The following AVL9 variants were observed in gnomAD, a reference collection of about 807,000 sequenced individuals.
The protein encoded by AVL9 is AVL9 cell migration associated, also known as late secretory pathway protein AVL9 homolog.
AVL9 carries 49 observed loss-of-function variants against 79.2 expected under a neutral mutation model. The ratio of observed to expected loss-of-function variants is 0.62; its 90% CI spans 0.49 to 0.79. The LOEUF is 0.79. Among genes scored for constraint, AVL9 ranks in the 30% least tolerant of loss-of-function variants. AVL9 has a pLI of 0.00. For missense variants in AVL9, 682 were observed against 776.8 expected (o/e 0.88, Z 1.45); for synonymous variants, 299 against 280.6 (o/e 1.07, Z -0.65).
At chr7:32,505,816 T>G (rs1020718035) in intron 1 of AVL9, among the ~76,000 whole-genome samples, 1 of 152,182 alleles carries the variant, frequency 6.6e-6, no homozygotes, top group East Asian at 1.9e-4. Flanking sequence ...AAGCAAACAT[T>G]GTGTCTTAGA....
intron 1 of AVL9, among the ~76,000 whole-genome samples, chr7:32,501,824 A>C (rs1392311755): frequency 6.6e-6 from 1 of 152,178 alleles, no homozygotes; most frequent in African/African-American, 2.4e-5. Flanking sequence ...TGCTGAATGT[A>C]GATTTTTGCT....
intron 1 of AVL9, among the ~76,000 whole-genome samples, chr7:32,541,133 C>G (rs1183888646): frequency 7.2e-5 from 11 of 151,852 alleles, no homozygotes; most frequent in Admixed American, 5.9e-4. Flanking sequence ...GATCTCCTGA[C>G]CTCGTGATCC....
At chr7:32,544,937 A>G (rs1328015678) in intron 3 of AVL9, among the ~76,000 whole-genome samples, 158 bp downstream of exon 3, 1 of 152,232 alleles carries the variant, frequency 6.6e-6, no homozygotes, top group Non-Finnish European at 1.5e-5. Flanking sequence ...TATTCACAGA[A>G]ACATTTTATT....
intron 1 of AVL9, among the ~76,000 whole-genome samples, chr7:32,501,800 T>A (rs1308501419): frequency 2.6e-5 from 4 of 152,170 alleles, no homozygotes; most frequent in African/African-American, 9.7e-5. Context: ...GTCATTGATA[T>A]GATTCAGATC....
intron 13 of AVL9, among the ~76,000 whole-genome samples, chr7:32,579,589 T>A (rs1351751329): frequency 2.1e-4 from 1 of 4,840 alleles, no homozygotes; most frequent in African/African-American, 9.3e-4. Context: ...TATTATATAT[T>A]ATATATTATA....
intron 1 of AVL9, among the ~76,000 whole-genome samples, chr7:32,520,486 G>A (rs1481415900): frequency 6.6e-6 from 1 of 152,180 alleles, no homozygotes; most frequent in East Asian, 1.9e-4. Flanking sequence ...AACCAGCCTA[G>A]TAGACTAGAT....
chr7:32,497,122 G>A (rs112457801), intron 1 of AVL9, among the ~76,000 whole-genome samples: 2 of 151,958 alleles, frequency 1.3e-5, no homozygotes, highest in Non-Finnish European at 1.5e-5. Flanking sequence ...TTGGGAGGCC[G>A]AGGCGGGTGG....
At chr7:32,529,131 T>C (rs999889301) in intron 1 of AVL9, among the ~76,000 whole-genome samples, 2 of 152,230 alleles carry the variant, frequency 1.3e-5, no homozygotes. Context: ...AAAGATCTAA[T>C]TGACTTTCAT....
chr7:32,552,121 C>T (rs1789859398), intron 5 of AVL9, 108 bp from the exon 6 acceptor site: 1 of 683,528 alleles, frequency 1.5e-6, no homozygotes, highest in Admixed American at 2.7e-5. Context: ...TAGCGCCTAG[C>T]AGAACAAACT....
At chr7:32,521,976 G>A (rs796907297) in intron 1 of AVL9, among the ~76,000 whole-genome samples, 6 of 152,352 alleles carry the variant, frequency 3.9e-5, no homozygotes, top group African/African-American at 9.6e-5. Context: ...TCCACATGGT[G>A]TTGAGCCTGC....
chr7:32,501,473 T>C lies in AVL9; in HGVS notation c.93+5671T>C, dbSNP rs75430166. On this transcript the variant is annotated intron_variant, in intron 1 of 15. Transcript: ENST00000318709. ...GGCCCTTCACTGCACTTTTATTTCT[T>C]CAACTTTAATATTTTGGTAGATGGT... Among the ~76,000 whole-genome samples, 47 of 152,354 alleles carry C rather than the reference T, an allele frequency of 3.1e-4. No individual in the cohort carries two copies. In the East Asian group the frequency reaches 7.9e-3, roughly 26 times the overall value.
intron 9 of AVL9, 94 bp downstream of exon 9, chr7:32,558,722 G>T: frequency 8.5e-7 from 1 of 1,176,460 alleles, no homozygotes; most frequent in South Asian, 1.4e-5. Context: ...ATTCGTTAGG[G>T]TTATCCTTTC....
At chr7:32,545,364 C>CTTTTTTTTTTT (rs10610945) in intron 3 of AVL9, among the ~76,000 whole-genome samples, 10 of 73,350 alleles carry the variant, frequency 1.4e-4, no homozygotes, top group Non-Finnish European at 1.9e-4. Flanking sequence ...TCTAAGATTT[C>CTTTTTTTTTTT]TTTTTTTTTT....
intron 7 of AVL9, among the ~76,000 whole-genome samples, chr7:32,554,098 A>G (rs1052185597): frequency 6.6e-6 from 1 of 152,204 alleles, no homozygotes; most frequent in African/African-American, 2.4e-5. Context: ...AATATTTTAT[A>G]TGTTGCCCTG....
rs143353075 is a variant in AVL9, at chr7:32,511,410, A to G, written c.93+15608A>G. On this transcript the variant is annotated intron_variant, in intron 1 of 15. Coordinates refer to ENST00000318709, the MANE Select transcript of AVL9 (RefSeq NM_015060.3). ...CTCTCCAGGGTGAGATTTGTGAGCC[A>G]TCAGGTCTGGTTGTGGGAGTCCACA... Among the ~76,000 whole-genome samples, 62 of 140,420 alleles carry G rather than the reference A, an allele frequency of 4.4e-4. 1 individual carries two copies. In the East Asian group the frequency reaches 9.9e-3, roughly 22 times the overall value. The allele number at this position is 140,420 out of a possible 152,430, so 92.1% of individuals were successfully genotyped here.
chr7:32,535,555 A>G (rs1788864745), intron 1 of AVL9: 1 of 152,204 alleles, frequency 6.6e-6, no homozygotes, highest in South Asian at 2.1e-4. Flanking sequence ...CACATTGCAG[A>G]GATGAGCTCT....
At chr7:32,523,172 A>G (rs1047430871) in intron 1 of AVL9, among the ~76,000 whole-genome samples, 3 of 114,528 alleles carry the variant, frequency 2.6e-5, no homozygotes, top group African/African-American at 9.4e-5. Flanking sequence ...AAAAAAAAAA[A>G]GGAAAGCAAA....
chr7:32,550,666 A>C (rs79002731), intron 4 of AVL9, among the ~76,000 whole-genome samples: 4,500 of 152,290 alleles, frequency 0.03, 212 homozygotes, highest in African/African-American at 0.1. Context: ...TACAAATAAA[A>C]AGATGAAAAT....
chr7:32,573,341 G>A lies in AVL9; in HGVS notation c.1493G>A (p.Trp498Ter). Residue 498 changes from tryptophan to a stop codon, truncating the protein, a stop_gained, in exon 12 of 16, where the codon TGG becomes TAG. Transcript: ENST00000318709. LOFTEE classifies it high-confidence loss of function. The part of the protein sequence containing the change: ...RDDVFLDGTG[W>*]EGGDEWIRAQ... ...GACGTCTTCCTAGATGGCACGGGCTGGGAGGGAGGTGACGAATGGATCCGG... is the reference window on the plus strand; with the variant it reads ...GACGTCTTCCTAGATGGCACGGGCTAGGAGGGAGGTGACGAATGGATCCGG... 6.2e-7 allele frequency: 1 copy of A among 1,613,850 alleles called. No individual in the cohort carries two copies. The highest frequency in any genetic ancestry group is 8.5e-7 in the Non-Finnish European group (1 of 1,179,994).
Sources: gnomAD v4.1 joint callset for allele counts (sites outside exome capture counted in the v4.1 genomes callset) on GRCh38, gnomAD v4.1.1 for gene constraint, MANE v1.5 for transcripts, NCBI Gene and HGNC (gene_info 2026-07-23, HGNC 2026-07-21) for gene names.